KIAA1671: variants seen among roughly 807,000 people sequenced by gnomAD.
KIAA1671 encodes uncharacterized protein KIAA1671.
In KIAA1671, 52 loss-of-function variants were observed where a neutral mutation model predicts 131.2. The ratio of observed to expected loss-of-function variants is 0.40; its 90% confidence interval spans 0.32 to 0.50. The LOEUF (loss-of-function observed/expected upper bound fraction) is 0.50. Ranked by LOEUF, KIAA1671 falls within the 20% of genes least tolerant of loss-of-function variation. The pLI is 0.73. For synonymous variants in KIAA1671, 1,003 were observed against 961.6 expected (o/e 1.04, Z -0.80); for missense variants, 2,360 against 2,364.2 (o/e 1.00, Z 0.04).
At chr22:25,087,210 C>G (rs553562805) in intron 6 of KIAA1671, among the ~76,000 whole-genome samples, 1 of 142,246 alleles carries the variant, frequency 7.0e-6, no homozygotes, top group Admixed American at 7.1e-5. Flanking sequence ...ACATGTCTTG[C>G]TTTTCCAAAC....
intron 1 of KIAA1671, among the ~76,000 whole-genome samples, chr22:24,969,827 T>C (rs1922507894): frequency 6.6e-6 from 1 of 152,226 alleles, no homozygotes; most frequent in Non-Finnish European, 1.5e-5. Context: ...AACTTCAGCT[T>C]CTGCTCTGTA....
chr22:25,158,537 G>A (rs1307630260), intron 6 of KIAA1671, among the ~76,000 whole-genome samples: 2 of 152,204 alleles, frequency 1.3e-5, no homozygotes. Flanking sequence ...TCCTGGGGGA[G>A]TGGATGCCTG....
chr22:25,101,417 G>A (rs1005492511), intron 6 of KIAA1671, among the ~76,000 whole-genome samples: 1 of 152,214 alleles, frequency 6.6e-6, no homozygotes, highest in Non-Finnish European at 1.5e-5. Context: ...TACTTGAGCT[G>A]AGGGTGGGGC....
intron 6 of KIAA1671, among the ~76,000 whole-genome samples, chr22:25,068,646 C>T (rs1255269801): frequency 1.3e-5 from 2 of 152,178 alleles, no homozygotes; most frequent in African/African-American, 4.8e-5. Context: ...CCGTGTTAGC[C>T]AGGATGGTCT....
chr22:25,093,560 C>T (rs1051698433), intron 6 of KIAA1671, among the ~76,000 whole-genome samples: 5 of 152,052 alleles, frequency 3.3e-5, no homozygotes, highest in African/African-American at 7.3e-5. Flanking sequence ...TCCAAGGGAT[C>T]TCATTAAGTC....
chr22:25,113,901 CTGTT>C (rs1017592042), intron 6 of KIAA1671, among the ~76,000 whole-genome samples: 3 of 152,216 alleles, frequency 2.0e-5, no homozygotes, highest in Non-Finnish European at 2.9e-5. Flanking sequence ...TGCTCTGTCT[CTGTT>C]TGTTTCTCTG....
intron 6 of KIAA1671, among the ~76,000 whole-genome samples, chr22:25,169,519 C>G (rs1321211871): frequency 6.6e-6 from 1 of 151,922 alleles, no homozygotes; most frequent in African/African-American, 2.4e-5. Flanking sequence ...AACGGCCCAT[C>G]CAAGGATTGG....
intron 3 of KIAA1671, among the ~76,000 whole-genome samples, chr22:25,031,835 ACTC>A (rs1158468853): frequency 1.3e-5 from 2 of 151,970 alleles, no homozygotes; most frequent in Non-Finnish European, 2.9e-5. Context: ...TTTAGACAGA[ACTC>A]CTCTCAGCCT....
chr22:25,191,086 C>T (rs768108158), intron 12 of KIAA1671, among the ~76,000 whole-genome samples: 2 of 151,914 alleles, frequency 1.3e-5, no homozygotes, highest in Non-Finnish European at 2.9e-5. Context: ...GCATCACAGT[C>T]CCCTCTGATA....
intron 6 of KIAA1671, among the ~76,000 whole-genome samples, chr22:25,072,629 A>G (rs555514909): frequency 6.6e-6 from 1 of 152,296 alleles, no homozygotes; most frequent in African/African-American, 2.4e-5. Context: ...AAGCTTGGGA[A>G]TGTGGACCTG....
chr22:25,197,162 C>G lies in KIAA1671; in HGVS notation c.*4761C>G, dbSNP rs1934854718. The G allele has an allele frequency of 6.6e-6, 1 of 152,174 alleles. No homozygotes were observed. Among genetic ancestry groups the G allele is most frequent in the Non-Finnish European group, 1.5e-5 (1 of 68,046 alleles). 9.4% of individuals were successfully genotyped at this position (152,174 alleles called of 1,614,324 possible). On this transcript the variant is annotated 3_prime_UTR_variant, in exon 13 of 13. Transcript: ENST00000358431. ...CTGAACGGAAGGCAGACGAGAGGCA[C>G]TTTATCCAGTCCCAGAAAGAATCTC...
In KIAA1671 at chr22:24,971,247, C is replaced by T. The variant is rs185735132; in HGVS notation, c.-208+18475C>T. Among the ~76,000 whole-genome samples, 3 of 152,316 alleles carry T rather than the reference C, an allele frequency of 2.0e-5. No homozygotes were observed. The East Asian group carries it at 5.8e-4, about 29-fold the overall frequency. On this transcript the variant is annotated intron_variant, in intron 1 of 12. Transcript: ENST00000358431. ...CTGGGATTACAGGTGTGAGCCACCACGCCTAGCCAGCTGCTGTCATTGATA... is the reference window on the plus strand; with the variant it reads ...CTGGGATTACAGGTGTGAGCCACCATGCCTAGCCAGCTGCTGTCATTGATA...
intron 3 of KIAA1671, 47 bp downstream of exon 3, chr22:25,029,587 A>C: frequency 7.3e-7 from 1 of 1,371,322 alleles, no homozygotes; most frequent in African/African-American, 1.5e-5. Flanking sequence ...CCACCCACAC[A>C]CCCTGAGGAA....
At chr22:25,082,025 C>T (rs1929437243) in intron 6 of KIAA1671, among the ~76,000 whole-genome samples, 1 of 152,120 alleles carries the variant, frequency 6.6e-6, no homozygotes, top group African/African-American at 2.4e-5. Flanking sequence ...AGGCTTGATG[C>T]AGGTTGATGC....
chr22:25,103,093 A>C (rs1215226939), intron 6 of KIAA1671, among the ~76,000 whole-genome samples: 1 of 152,010 alleles, frequency 6.6e-6, no homozygotes, highest in African/African-American at 2.4e-5. Flanking sequence ...CTGGGGAACA[A>C]CCCAGGTAAG....
intron 6 of KIAA1671, among the ~76,000 whole-genome samples, chr22:25,137,590 T>A (rs1932732933): frequency 6.6e-6 from 1 of 152,276 alleles, no homozygotes; most frequent in South Asian, 2.1e-4. Context: ...TATACCTGCC[T>A]GATTTTCAAA....
chr22:25,079,398 G>A (rs1276767799), intron 6 of KIAA1671, among the ~76,000 whole-genome samples: 1 of 152,134 alleles, frequency 6.6e-6, no homozygotes, highest in Non-Finnish European at 1.5e-5. Flanking sequence ...TAACATTCTA[G>A]TGGGGTGTTC....
chr22:25,190,671 A>C, intron 11 of KIAA1671, 31 bp from the exon 12 acceptor site: 1 of 1,535,494 alleles, frequency 6.5e-7, no homozygotes, highest in Non-Finnish European at 8.8e-7. Flanking sequence ...GTCTGGTTTC[A>C]ACTAGTCTCT....
chr22:24,953,057 C>G (rs1354278862), intron 1 of KIAA1671, among the ~76,000 whole-genome samples: 1 of 152,166 alleles, frequency 6.6e-6, no homozygotes, highest in Admixed American at 6.5e-5. Context: ...CACAGGGCAA[C>G]CAATGGATCA....
Sources: allele counts gnomAD v4.1 joint callset (sites outside exome capture counted in the v4.1 genomes callset), GRCh38; gene constraint gnomAD v4.1.1; transcripts MANE v1.5; gene names NCBI Gene and HGNC (gene_info 2026-07-23, HGNC 2026-07-21).